The following VTI1A variants were observed in gnomAD, a reference collection of about 807,000 sequenced individuals.
VTI1A encodes the protein vesicle transport through interaction with t-SNAREs homolog 1A.
VTI1A carries 22 observed loss-of-function variants against 34.9 expected under a neutral mutation model. That is an observed-to-expected ratio of 0.63 (90% CI 0.45 to 0.90). The LOEUF is 0.90. Among genes scored for constraint, VTI1A ranks in the 40% least tolerant of loss-of-function variants. The probability of loss-of-function intolerance (pLI) is 0.00; values close to 1 mark genes in which losing one functional copy is unlikely to be tolerated. For synonymous variants in VTI1A, 87 were observed against 97.3 expected (o/e 0.89, Z 0.62); for missense variants, 268 against 275.6 (o/e 0.97, Z 0.20).
chr10:112,726,731 C>CTTCAAGGTATCAAGGACAAT (rs367855205), intron 7 of VTI1A, among the ~76,000 whole-genome samples: 2 of 152,272 alleles, frequency 1.3e-5, no homozygotes, highest in East Asian at 3.9e-4. Flanking sequence ...ATTTCATGGG[C>CTTCAAGGTATCAAGGACAAT]TTCAAGGAGC....
intron 5 of VTI1A, among the ~76,000 whole-genome samples, chr10:112,632,473 GTTTC>G (rs1564857757): frequency 6.6e-6 from 1 of 152,120 alleles, no homozygotes; most frequent in Non-Finnish European, 1.5e-5. Context: ...CACAACAAAG[GTTTC>G]TTTTTTATTT....
At chr10:112,637,761 G>A (rs1184703946) in intron 5 of VTI1A, among the ~76,000 whole-genome samples, 1 of 152,082 alleles carries the variant, frequency 6.6e-6, no homozygotes, top group African/African-American at 2.4e-5. Flanking sequence ...ATAAGTAATT[G>A]CACCTTTATT....
At chr10:112,630,037 T>G (rs182908209) in intron 5 of VTI1A, among the ~76,000 whole-genome samples, 30 of 152,320 alleles carry the variant, frequency 2.0e-4, no homozygotes, top group Admixed American at 1.3e-3. Context: ...ACACATTAAT[T>G]GTGCCTAAAG....
chr10:112,514,916 T>C (rs950167080), intron 3 of VTI1A, among the ~76,000 whole-genome samples: 3 of 151,996 alleles, frequency 2.0e-5, no homozygotes, highest in African/African-American at 4.8e-5. Context: ...AAGTCTTGAG[T>C]CTTGACATAA....
At chr10:112,598,995 T>G (rs1485386593) in intron 5 of VTI1A, among the ~76,000 whole-genome samples, 1 of 152,194 alleles carries the variant, frequency 6.6e-6, no homozygotes, top group Non-Finnish European at 1.5e-5. Flanking sequence ...GCTCTATTCC[T>G]TCCTTCATTC....
intron 7 of VTI1A, among the ~76,000 whole-genome samples, chr10:112,789,046 T>C (rs1288903319): frequency 1.3e-5 from 2 of 152,160 alleles, no homozygotes; most frequent in Non-Finnish European, 1.5e-5. Flanking sequence ...TGCTGTGCAA[T>C]CTAATGGTTT....
chr10:112,724,855 A>G (rs1849957295), intron 7 of VTI1A, among the ~76,000 whole-genome samples: 1 of 151,828 alleles, frequency 6.6e-6, no homozygotes, highest in Non-Finnish European at 1.5e-5. Context: ...AAAATAGTGT[A>G]ATGAACCCAC....
intron 7 of VTI1A, among the ~76,000 whole-genome samples, chr10:112,759,845 G>C (rs1457946773): frequency 1.3e-5 from 2 of 152,064 alleles, no homozygotes; most frequent in Non-Finnish European, 2.9e-5. Context: ...AGAAGACATA[G>C]GGTATATTTC....
At chr10:112,534,393 G>T in intron 4 of VTI1A, among the ~76,000 whole-genome samples, 1 of 151,868 alleles carries the variant, frequency 6.6e-6, no homozygotes, top group Non-Finnish European at 1.5e-5. Context: ...AAGACATAAT[G>T]GCCTATATTG....
chr10:112,514,705 A>G (rs1837063758), intron 3 of VTI1A, among the ~76,000 whole-genome samples: 2 of 151,900 alleles, frequency 1.3e-5, no homozygotes, highest in South Asian at 4.1e-4. Context: ...CTTGTTTTTA[A>G]AGTAATATAA....
chr10:112,533,360 G>C (rs1045777491), intron 4 of VTI1A, among the ~76,000 whole-genome samples: 2 of 152,042 alleles, frequency 1.3e-5, no homozygotes, highest in African/African-American at 4.8e-5. Context: ...AAAAAACTCT[G>C]CATGTAGTCT....
chr10:112,496,134 G>GGGA (rs1849006835), intron 3 of VTI1A, among the ~76,000 whole-genome samples: 1 of 148,012 alleles, frequency 6.8e-6, no homozygotes, highest in Non-Finnish European at 1.5e-5. Context: ...AGGCCTAAGT[G>GGGA]GGAGGATCAC....
chr10:112,749,910 G>C (rs898427662), intron 7 of VTI1A, among the ~76,000 whole-genome samples: 24 of 152,166 alleles, frequency 1.6e-4, no homozygotes, highest in African/African-American at 5.1e-4. Flanking sequence ...GCTGTTAAGT[G>C]AACCATGCAC....
At chr10:112,832,056 A>T in the VTI1A span, 3 of 152,194 alleles carry the variant, frequency 2.0e-5, no homozygotes, top group Non-Finnish European at 4.4e-5. Flanking sequence ...GAGAAAAAGG[A>T]TAGCTCGGCT....
intron 5 of VTI1A, among the ~76,000 whole-genome samples, chr10:112,648,273 G>GCTGT (rs1846880383): frequency 6.6e-6 from 1 of 152,136 alleles, no homozygotes; most frequent in African/African-American, 2.4e-5. Flanking sequence ...TCTCTCTCTT[G>GCTGT]CTGTCACTAA....
At chr10:112,622,808 G>C (rs959798832) in intron 5 of VTI1A, among the ~76,000 whole-genome samples, 1 of 152,186 alleles carries the variant, frequency 6.6e-6, no homozygotes, top group Non-Finnish European at 1.5e-5. Context: ...AAGTAGATTG[G>C]TAGAAAGTTG....
intron 5 of VTI1A, among the ~76,000 whole-genome samples, chr10:112,605,502 T>C (rs1351587436): frequency 6.6e-6 from 1 of 152,194 alleles, no homozygotes; most frequent in Non-Finnish European, 1.5e-5. Flanking sequence ...TTCAATTCCA[T>C]GGATTCGCCT....
At chr10:112,641,457 A>G (rs980061687) in intron 5 of VTI1A, among the ~76,000 whole-genome samples, 1 of 152,180 alleles carries the variant, frequency 6.6e-6, no homozygotes, top group Non-Finnish European at 1.5e-5. Flanking sequence ...CAGAGGCTAT[A>G]GCAAATGACC....
intron 7 of VTI1A, among the ~76,000 whole-genome samples, chr10:112,703,422 C>T (rs754182347): frequency 2.0e-5 from 3 of 152,078 alleles, no homozygotes; most frequent in South Asian, 2.1e-4. Flanking sequence ...ACAAAATTAG[C>T]CAGGCATGGT....
Sources: allele counts gnomAD v4.1 joint callset (sites outside exome capture counted in the v4.1 genomes callset), GRCh38; gene constraint gnomAD v4.1.1; transcripts MANE v1.5; gene names NCBI Gene and HGNC (gene_info 2026-07-23, HGNC 2026-07-21).